Variants in NAP1L4 observed in about 807,000 individuals in gnomAD.
The protein encoded by NAP1L4 is nucleosome assembly protein 1-like 4.
A neutral mutation model predicts 58.2 loss-of-function variants in NAP1L4; 15 were observed. The ratio of observed to expected loss-of-function variants is 0.26; its 90% CI spans 0.17 to 0.40. The LOEUF (loss-of-function observed/expected upper bound fraction) is 0.40. Ranked by LOEUF, NAP1L4 falls within the 10% of genes least tolerant of loss-of-function variation. The pLI, the probability that NAP1L4 is intolerant of heterozygous loss-of-function variation, is 1.00. For missense variants in NAP1L4, 384 were observed against 451.1 expected (o/e 0.85, Z 1.35); for synonymous variants, 171 against 155.6 (o/e 1.10, Z -0.74).
intron 6 of NAP1L4, 56 bp from the exon 7 acceptor site, chr11:2,969,990 G>T: frequency 1.3e-6 from 2 of 1,534,992 alleles, no homozygotes; most frequent in Non-Finnish European, 8.8e-7. Context: ...ACAATGCAGC[G>T]GCTTCACGTA....
intron 4 of NAP1L4, among the ~76,000 whole-genome samples, chr11:2,974,582 T>C (rs1847839582): frequency 6.6e-6 from 1 of 152,190 alleles, no homozygotes; most frequent in Admixed American, 6.5e-5. Context: ...AGCTTCTAAA[T>C]GGGCAAAGCA....
Position 2,954,464 on chromosome 11 carries a change from G to A in NAP1L4, c.1035+63C>T. 2 of 1,610,072 alleles carry A rather than the reference G, an allele frequency of 1.2e-6. No homozygotes were observed. Among genetic ancestry groups the A allele is most frequent in the Non-Finnish European group, 1.7e-6 (2 of 1,176,730 alleles). ...GGGGGTTTCCTAAGCCACAATTCAG[G>A]GCCACTCTGCACCAACAGAGATAAG... On this transcript the variant is annotated intron_variant, in intron 12 of 15. Transcript: ENST00000380542. The surrounding 1 kb of genome is among the most constrained non-coding windows in gnomAD (Gnocchi z 4.8).
rs767092728 is a variant in NAP1L4 at position 2,969,948 on chromosome 11, G to A, written c.403-14C>T. 1 of 1,602,984 alleles carries A rather than the reference G, an allele frequency of 6.2e-7. No homozygotes were observed. The highest frequency in any genetic ancestry group is 8.5e-7 in the Non-Finnish European group (1 of 1,175,234). Reference sequence around the variant, plus strand: ...TTTCATGTCTCCCTAAAAAAAAGATGCAACATAGGTAACGAAAATAAAAGT... The same window carrying A: ...TTTCATGTCTCCCTAAAAAAAAGATACAACATAGGTAACGAAAATAAAAGT... On this transcript the variant is annotated splice_polypyrimidine_tract_variant and intron_variant, in intron 6 of 15. Coordinates refer to ENST00000380542, the MANE Select transcript of NAP1L4 (RefSeq NM_005969.4).
chr11:2,975,389 T>C (rs747308852), intron 4 of NAP1L4, among the ~76,000 whole-genome samples: 48 of 152,212 alleles, frequency 3.2e-4, no homozygotes, highest in Admixed American at 6.5e-4. Flanking sequence ...ATCACCACCC[T>C]TATCATTTTC....
At chr11:2,975,152 TA>T (rs376072968) in intron 4 of NAP1L4, among the ~76,000 whole-genome samples, 7,700 of 142,420 alleles carry the variant, frequency 0.054, 586 homozygotes, top group African/African-American at 0.17. Flanking sequence ...CTCATCCCTT[TA>T]AAAAAAAAAA....
intron 1 of NAP1L4, among the ~76,000 whole-genome samples, chr11:2,980,810 T>A (rs182178010): frequency 2.4e-4 from 37 of 152,344 alleles, no homozygotes; most frequent in East Asian, 1.2e-3. Flanking sequence ...ACTACTTTTT[T>A]AAAATTTTTA....
In NAP1L4 at chr11:2,951,287, T is replaced by C. The variant is rs1286138247; in HGVS notation, c.1094A>G (p.Asp365Gly). 3.1e-6 allele frequency: 5 copies of C among 1,614,148 alleles called. No individual in the cohort carries two copies. The Admixed American group carries it at 8.3e-5, about 27-fold the overall frequency. Residue 365 changes from aspartate to glycine, a missense_variant, in exon 14 of 16, where the codon GAC becomes GGC. Around this residue, in one of 3 missense-constraint regions of NAP1L4, gnomAD observed 296 missense variants for 360.8 expected, o/e 0.82. Transcript: ENST00000380542. This position sits in a 1 kb window ranked among gnomAD's most constrained non-coding sequence, Gnocchi z 4.0. ...EELEGDEEGE[D>G]EDDAEINPKV The stretch of plus-strand genomic sequence containing the variant: ...GGGGTTAATTTCCGCATCATCCTCG[T>C]CTTCTCCCTCCTCGTCACCTTCTAA...
In NAP1L4 at chr11:2,946,793, T is replaced by C. The variant is rs950947338; in HGVS notation, c.*33-1147A>G. ...GAGCCTGGCCAAGACAAAACGAGGC[T>C]GACCAAAAACCCTCGCCATGTCAAT... On this transcript the variant is annotated intron_variant, in intron 15 of 15. Transcript: ENST00000380542. The surrounding 1 kb of genome is among the most constrained non-coding windows in gnomAD (Gnocchi z 4.8). Among the ~76,000 whole-genome samples, 15 of 152,226 alleles carry C rather than the reference T, an allele frequency of 9.9e-5. No individual in the cohort carries two copies. The highest frequency in any genetic ancestry group is 2.2e-4 in the Non-Finnish European group (15 of 68,038).
Position 2,959,258 on chromosome 11 carries a change from T to A in NAP1L4, c.746+512A>T, listed in dbSNP as rs1337715834. Among the ~76,000 whole-genome samples the A allele has an allele frequency of 6.6e-6, 1 of 152,252 alleles. No homozygotes were observed. The highest frequency in any genetic ancestry group is 1.5e-5 in the Non-Finnish European group (1 of 68,036). ...GTTTCAAGTCAAGACTAAAACCATT[T>A]CTCAGTCAACCCAACCTGGAGAAAT... On this transcript the variant is annotated intron_variant, in intron 9 of 15. Coordinates refer to ENST00000380542, the MANE Select transcript of NAP1L4 (RefSeq NM_005969.4). The surrounding 1 kb of genome is among the most constrained non-coding windows in gnomAD (Gnocchi z 4.9).
chr11:2,968,663 A>T (rs1234262792), intron 7 of NAP1L4, among the ~76,000 whole-genome samples: 2 of 152,228 alleles, frequency 1.3e-5, no homozygotes, highest in African/African-American at 2.4e-5. Flanking sequence ...TGCAAATTAC[A>T]ATGTAGCAGT....
chr11:2,945,702 T>A, intron 15 of NAP1L4, 56 bp from the exon 16 acceptor site: 1 of 1,410,304 alleles, frequency 7.1e-7, no homozygotes. Flanking sequence ...ATTCACCAAT[T>A]AGCTCCAATC....
chr11:2,960,097 G>A lies in NAP1L4; in HGVS notation c.607-188C>T, dbSNP rs962890468. ...TTAAAAAAACCAACGATGGACTGGCGGGAAATATCTGTTCAGTTCATGAGT... is the reference window on the plus strand; with the variant it reads ...TTAAAAAAACCAACGATGGACTGGCAGGAAATATCTGTTCAGTTCATGAGT... On this transcript the variant is annotated intron_variant, in intron 8 of 15. Transcript: ENST00000380542. 3.0e-5 allele frequency: 18 copies of A among 591,590 alleles called. No homozygotes were observed. In the Admixed American group the frequency reaches 3.3e-4, roughly 11 times the overall value. 36.6% of individuals were successfully genotyped at this position (591,590 alleles called of 1,614,324 possible).
chr11:2,976,832 G>GT (rs1847990616), intron 3 of NAP1L4, among the ~76,000 whole-genome samples: 1 of 152,212 alleles, frequency 6.6e-6, no homozygotes, highest in Non-Finnish European at 1.5e-5. Context: ...TTACCCAGTT[G>GT]TGACTATGAA....
intron 8 of NAP1L4, among the ~76,000 whole-genome samples, chr11:2,961,778 C>A (rs1846929305): frequency 6.6e-6 from 1 of 152,190 alleles, no homozygotes; most frequent in African/African-American, 2.4e-5. Context: ...GCAATCCTCC[C>A]ACCTTGGCCT....
Position 2,955,605 on chromosome 11 carries a change from G to C in NAP1L4, c.915+139C>G. ...GGACTCGTGCAGTCCTCCCACCTCA[G>C]CCTCCCAAAGCATTAAGATCACTGG... On this transcript the variant is annotated intron_variant, in intron 11 of 15. Coordinates refer to ENST00000380542, the MANE Select transcript of NAP1L4 (RefSeq NM_005969.4). This position sits in a 1 kb window ranked among gnomAD's most constrained non-coding sequence, Gnocchi z 4.2. 1.3e-6 allele frequency: 1 copy of C among 788,528 alleles called. No homozygotes were observed. The allele number at this position is 788,528 out of a possible 1,614,324, so 48.8% of individuals were successfully genotyped here. A position where few individuals can be genotyped will look rare whatever the true frequency, so the allele number is the denominator to read the frequency against.
intron 5 of NAP1L4, 46 bp downstream of exon 5, chr11:2,972,056 C>A (rs771687154): frequency 1.4e-6 from 2 of 1,479,364 alleles, no homozygotes. Flanking sequence ...CTAACACCTT[C>A]GTAAGCTGAA....
At chr11:2,964,124 G>A (rs981588187) in intron 8 of NAP1L4, among the ~76,000 whole-genome samples, 18 of 151,954 alleles carry the variant, frequency 1.2e-4, no homozygotes, top group Non-Finnish European at 1.9e-4. Flanking sequence ...TCTTATTTGC[G>A]CTTTTTTTTT....
chr11:2,963,978 G>A, intron 8 of NAP1L4: 1 of 490,784 alleles, frequency 2.0e-6, no homozygotes, highest in Non-Finnish European at 4.1e-6. Context: ...AGTAAGGGCT[G>A]ACCTAGTCAA....
intron 7 of NAP1L4, among the ~76,000 whole-genome samples, chr11:2,967,369 T>G (rs578046386): frequency 4.6e-5 from 7 of 152,242 alleles, no homozygotes; most frequent in African/African-American, 1.7e-4. Flanking sequence ...TCCCAGCACT[T>G]TGGGAGGCCA....
Sources: gnomAD v4.1 joint callset for allele counts (sites outside exome capture counted in the v4.1 genomes callset) on GRCh38, gnomAD v4.1.1 for gene constraint, gnomAD v4.1.1 regional missense constraint, Gnocchi (gnomAD v3.1) non-coding constraint, MANE v1.5 for transcripts, NCBI Gene and HGNC (gene_info 2026-07-23, HGNC 2026-07-21) for gene names.